ATP9A: variants seen among roughly 807,000 people sequenced by gnomAD.
ATP9A encodes ATPase phospholipid transporting 9A, also known as probable phospholipid-transporting ATPase IIA.
Under a neutral mutation model 144.1 loss-of-function variants are expected in ATP9A, and 52 were observed. The observed-to-expected ratio is 0.36, with a 90% confidence interval of 0.29 to 0.45. The LOEUF (loss-of-function observed/expected upper bound fraction) is 0.45. Ranked by LOEUF, ATP9A falls within the 20% of genes least tolerant of loss-of-function variation. The probability of loss-of-function intolerance (pLI) is 1.00; values close to 1 mark genes in which losing one functional copy is unlikely to be tolerated. For synonymous variants in ATP9A, 582 were observed against 557.4 expected (o/e 1.04, Z -0.62); for missense variants, 947 against 1,392.7 (o/e 0.68, Z 5.09).
intron 20 of ATP9A, 66 bp from the exon 21 acceptor site, chr20:51,618,872 G>T: frequency 6.3e-7 from 1 of 1,587,046 alleles, no homozygotes. Flanking sequence ...GGAGGTCGCT[G>T]CCGAGCCTGC....
chr20:51,698,839 C>T (rs1057258802), intron 4 of ATP9A, among the ~76,000 whole-genome samples: 1 of 152,190 alleles, frequency 6.6e-6, no homozygotes, highest in African/African-American at 2.4e-5. Flanking sequence ...ATCAGGAAAG[C>T]AGGGAACAGC....
At chr20:51,687,847 G>T (rs1476815335) in intron 9 of ATP9A, among the ~76,000 whole-genome samples, 1 of 152,174 alleles carries the variant, frequency 6.6e-6, no homozygotes, top group Non-Finnish European at 1.5e-5. Context: ...TGATGGTGGG[G>T]AGTGGAGAAT....
Position 51,692,659 on chromosome 20 carries a change from G to A in ATP9A, c.642+1349C>T, listed in dbSNP as rs534152364. Among the ~76,000 whole-genome samples the A allele has an allele frequency of 1.3e-3, 195 of 152,198 alleles. 1 individual carries two copies. The highest frequency in any genetic ancestry group is 4.4e-3 in the African/African-American group (183 of 41,542). On this transcript the variant is annotated intron_variant, in intron 7 of 27. Coordinates refer to ENST00000338821, the MANE Select transcript of ATP9A (RefSeq NM_006045.3). ...TCTACTAAAAATACAAATATTAGCC[G>A]GGCGTGGTGGCGGGTGCCTGTAATC... is the stretch of plus-strand genomic sequence containing the variant.
At chr20:51,687,010 A>C (rs1010951848) in intron 9 of ATP9A, among the ~76,000 whole-genome samples, 2 of 151,910 alleles carry the variant, frequency 1.3e-5, no homozygotes, top group African/African-American at 4.8e-5. Context: ...CAGGTAATCT[A>C]GGAAATTCAA....
intron 14 of ATP9A, among the ~76,000 whole-genome samples, chr20:51,654,295 G>A (rs914232743): frequency 6.6e-6 from 1 of 152,104 alleles, no homozygotes; most frequent in African/African-American, 2.4e-5. Flanking sequence ...CCAAAAAAGG[G>A]AGAAAGAAGC....
At chr20:51,633,051 G>A (rs1269874737) in intron 15 of ATP9A, among the ~76,000 whole-genome samples, 1 of 152,120 alleles carries the variant, frequency 6.6e-6, no homozygotes, top group African/African-American at 2.4e-5. Flanking sequence ...TTGAACCCAG[G>A]AGGCGGAGGT....
intron 25 of ATP9A, 36 bp downstream of exon 25, chr20:51,608,474 CAAAGGAGG>C: frequency 1.6e-6 from 2 of 1,289,664 alleles, no homozygotes; most frequent in Non-Finnish European, 2.3e-6. Context: ...AAGGGAAAAG[CAAAGGAGG>C]AAAGGAGGAA....
intron 13 of ATP9A, among the ~76,000 whole-genome samples, chr20:51,660,429 G>A (rs1332852669): frequency 2.6e-5 from 4 of 152,152 alleles, no homozygotes; most frequent in Non-Finnish European, 5.9e-5. Flanking sequence ...AACCACAGAC[G>A]GTCAGATGTT....
At chr20:51,735,547 T>C (rs546144228) in intron 1 of ATP9A, among the ~76,000 whole-genome samples, 1 of 152,366 alleles carries the variant, frequency 6.6e-6, no homozygotes, top group African/African-American at 2.4e-5. Flanking sequence ...AGTACTATTC[T>C]AGGTCCTCTG....
chr20:51,736,218 A>G (rs1261407426), intron 1 of ATP9A, among the ~76,000 whole-genome samples: 1 of 152,236 alleles, frequency 6.6e-6, no homozygotes, highest in Non-Finnish European at 1.5e-5. Flanking sequence ...TGCACCCATC[A>G]CGGGGAGAAG....
At chr20:51,622,649 T>C (rs1354620832) in intron 18 of ATP9A, among the ~76,000 whole-genome samples, 1 of 152,174 alleles carries the variant, frequency 6.6e-6, no homozygotes, top group East Asian at 1.9e-4. Flanking sequence ...TGACCGTAAA[T>C]GAGTCAGGTT....
intron 23 of ATP9A, among the ~76,000 whole-genome samples, chr20:51,612,784 A>T (rs190709622): frequency 4.8e-4 from 73 of 152,270 alleles, no homozygotes; most frequent in African/African-American, 1.4e-3. Context: ...TATACTCTAG[A>T]ATCCTTTTAT....
intron 4 of ATP9A, among the ~76,000 whole-genome samples, chr20:51,709,318 C>T (rs1347802842): frequency 6.6e-6 from 1 of 152,136 alleles, no homozygotes; most frequent in Non-Finnish European, 1.5e-5. Context: ...AGTTCAAGAC[C>T]AGCCTGGCTA....
intron 1 of ATP9A, among the ~76,000 whole-genome samples, chr20:51,758,753 C>T (rs1427412306): frequency 1.3e-5 from 2 of 152,084 alleles, no homozygotes; most frequent in South Asian, 2.1e-4. Flanking sequence ...GGTGAAACCC[C>T]GTCTCTACTA....
intron 14 of ATP9A, among the ~76,000 whole-genome samples, chr20:51,655,139 G>C (rs959726450): frequency 6.6e-6 from 1 of 152,146 alleles, no homozygotes; most frequent in Non-Finnish European, 1.5e-5. Flanking sequence ...AGAATAGTTA[G>C]GATATTAGGG....
chr20:51,606,091 AAC>A, intron 26 of ATP9A, among the ~76,000 whole-genome samples: 1 of 151,778 alleles, frequency 6.6e-6, no homozygotes, highest in Non-Finnish European at 1.5e-5. Flanking sequence ...AACATGGTGA[AAC>A]CCCCGCCTCT....
intron 1 of ATP9A, among the ~76,000 whole-genome samples, chr20:51,743,396 A>AT (rs769952209): frequency 0.23 from 20,522 of 88,972 alleles, 3,600 homozygotes; most frequent in East Asian, 0.41. Context: ...ACCGAAACTG[A>AT]TTTTTTTTTT....
rs1047346919 is a variant in ATP9A, at chr20:51,637,366, G to C, written c.1668+1977C>G. Among the ~76,000 whole-genome samples the C allele has an allele frequency of 2.0e-5, 3 of 146,582 alleles. No homozygotes were observed. In the Admixed American group the frequency reaches 2.1e-4, roughly 10 times the overall value. On this transcript the variant is annotated intron_variant, in intron 15 of 27. Transcript: ENST00000338821. ...ATCACTGTTGAATCCTGCTCACTTC[G>C]GCACTGACTGTGAGTCTACCGTGTG...
chr20:51,715,680 G>T (rs1054269296), intron 3 of ATP9A, among the ~76,000 whole-genome samples: 3 of 152,198 alleles, frequency 2.0e-5, no homozygotes, highest in Non-Finnish European at 2.9e-5. Flanking sequence ...CCATGCCTTA[G>T]TATTTTTACT....
Sources: allele counts gnomAD v4.1 joint callset (sites outside exome capture counted in the v4.1 genomes callset), GRCh38; gene constraint gnomAD v4.1.1; transcripts MANE v1.5; gene names NCBI Gene and HGNC (gene_info 2026-07-23, HGNC 2026-07-21).